Variants in ATP2B4 observed in about 807,000 individuals in gnomAD.
ATP2B4 encodes plasma membrane calcium-transporting ATPase 4.
In ATP2B4, 39 loss-of-function variants were observed where a neutral mutation model predicts 110.3. The ratio of observed to expected loss-of-function variants is 0.35; its 90% CI spans 0.27 to 0.46. ATP2B4 has a LOEUF of 0.46. ATP2B4 is among the 20% of genes least tolerant of loss of function. ATP2B4 has a pLI of 1.00. For synonymous variants in ATP2B4, 538 were observed against 571.7 expected (o/e 0.94, Z 0.84); for missense variants, 1,135 against 1,530.9 (o/e 0.74, Z 4.32).
chr1:203,689,086 A>G (rs550934240), intron 2 of ATP2B4, among the ~76,000 whole-genome samples: 1 of 152,118 alleles, frequency 6.6e-6, no homozygotes, highest in Non-Finnish European at 1.5e-5. Context: ...CCAATCCCCA[A>G]AGAACAGAGC....
At chr1:203,643,337 A>ACCAGTCTTGAT (rs1663689208) in intron 1 of ATP2B4, among the ~76,000 whole-genome samples, 3 of 152,218 alleles carry the variant, frequency 2.0e-5, no homozygotes, top group Non-Finnish European at 4.4e-5. Context: ...GGAGGGAGTC[A>ACCAGTCTTGAT]GACTGGGTGA....
chr1:203,732,131 C>T (rs896778920), intron 20 of ATP2B4, among the ~76,000 whole-genome samples: 10 of 142,672 alleles, frequency 7.0e-5, no homozygotes, highest in Non-Finnish European at 1.2e-4. Context: ...GAGCCGAGAT[C>T]GCACCTTGCA....
At chr1:203,705,718 C>A (rs1665830588) in intron 8 of ATP2B4, among the ~76,000 whole-genome samples, 1 of 152,186 alleles carries the variant, frequency 6.6e-6, no homozygotes, top group Non-Finnish European at 1.5e-5. Flanking sequence ...TACCTGTCCC[C>A]TGCCTTGTTC....
chr1:203,729,625 T>C (rs1302600217), intron 20 of ATP2B4: 1 of 878,018 alleles, frequency 1.1e-6, no homozygotes, highest in Non-Finnish European at 1.7e-6. Context: ...CAGGTGCTTT[T>C]TCTGTCTGCC....
At position 203,635,134 on chromosome 1, in the gene ATP2B4, C is replaced by T. The variant is rs1039115981; in HGVS notation, c.-465+7915C>T. 3.3e-5 allele frequency among the ~76,000 whole-genome samples: 5 copies of T among 152,006 alleles called. No individual in the cohort carries two copies. In the East Asian group the frequency reaches 9.7e-4, roughly 29 times the overall value. On this transcript the variant is annotated intron_variant, in intron 1 of 20. Transcript: ENST00000357681. ...GGATTACAGGCATGTACCACTACAC[C>T]CGGCTAATTTTGTATTTTTAGTAGA...
chr1:203,682,365 G>C (rs2102360713), intron 1 of ATP2B4, among the ~76,000 whole-genome samples: 1 of 152,248 alleles, frequency 6.6e-6, no homozygotes, highest in African/African-American at 2.4e-5. Flanking sequence ...GATAAGGTCA[G>C]ACTAAAGGAT....
Position 203,740,068 on chromosome 1 carries a change from G to C in ATP2B4, c.*214G>C. 1 of 572,026 alleles carries C rather than the reference G, an allele frequency of 1.7e-6. No homozygotes were observed. 35.4% of individuals were successfully genotyped at this position (572,026 alleles called of 1,614,324 possible). ...GACTTGGGGTTTGTAGCGGGACCCA[G>C]TCAAACCCCATTCAGGTCATGGTAG... On this transcript the variant is annotated 3_prime_UTR_variant, in exon 21 of 21. Transcript: ENST00000357681.
At chr1:203,665,119 C>T (rs983331561) in intron 1 of ATP2B4, among the ~76,000 whole-genome samples, 2 of 152,162 alleles carry the variant, frequency 1.3e-5, no homozygotes, top group African/African-American at 2.4e-5. Context: ...GCACCCGGCC[C>T]TTAAGGTACT....
chr1:203,660,847 A>G (rs1008355852), intron 1 of ATP2B4, among the ~76,000 whole-genome samples: 2 of 151,932 alleles, frequency 1.3e-5, no homozygotes, highest in Admixed American at 1.3e-4. Context: ...ACGGTGGCTC[A>G]TGCCTGTAGT....
At chr1:203,733,114 C>G in intron 20 of ATP2B4, 2 of 1,051,670 alleles carry the variant, frequency 1.9e-6, no homozygotes, top group East Asian at 5.1e-5. Flanking sequence ...CTTTTCCCAT[C>G]TACTTCCATT....
Position 203,699,614 on chromosome 1 carries a change from C to T in ATP2B4, c.546C>T (p.Cys182=). The T allele has an allele frequency of 6.2e-7, 1 of 1,614,188 alleles. No homozygotes were observed. Among genetic ancestry groups the T allele is most frequent in the Non-Finnish European group, 8.5e-7 (1 of 1,180,038 alleles). The change falls in exon 4 of 21, where the codon TGC becomes TGT. Residue 182 remains cysteine, a synonymous_variant. Transcript: ENST00000357681. ...SKEKQFRGLQ[C]RIEQEQKFSI... ...AGAAGCAATTCCGGGGGCTGCAGTG[C>T]CGCATTGAACAGGAGCAAAAGTTCT...
At chr1:203,697,673 T>A (rs1665573027) in intron 2 of ATP2B4, among the ~76,000 whole-genome samples, 1 of 152,206 alleles carries the variant, frequency 6.6e-6, no homozygotes, top group African/African-American at 2.4e-5. Flanking sequence ...ATCTCATACT[T>A]GAGCAAATCA....
chr1:203,693,820 G>C (rs1665454510), intron 2 of ATP2B4, among the ~76,000 whole-genome samples: 1 of 152,182 alleles, frequency 6.6e-6, no homozygotes, highest in Non-Finnish European at 1.5e-5. Flanking sequence ...GGTTTGCCCG[G>C]GACTGAGCGG....
Position 203,711,030 on chromosome 1 carries a change from T to C in ATP2B4, c.1953T>C (p.Ser651=). The part of the protein sequence containing the change: ...AYRDFDDTEP[S]WDNENEILTE... ...GGGACTTCGATGACACAGAGCCCTC[T>C]TGGGACAATGAGAATGAGATCCTCA... The change falls in exon 12 of 21, where the codon TCT becomes TCC. Residue 651 remains serine, a synonymous_variant. Transcript: ENST00000357681. The C allele has an allele frequency of 6.2e-7, 1 of 1,614,112 alleles. No individual in the cohort carries two copies. Among genetic ancestry groups the C allele is most frequent in the Non-Finnish European group, 8.5e-7 (1 of 1,180,004 alleles).
intron 1 of ATP2B4, among the ~76,000 whole-genome samples, chr1:203,676,979 G>A (rs1176460331): frequency 1.3e-5 from 2 of 152,162 alleles, no homozygotes; most frequent in Non-Finnish European, 2.9e-5. Context: ...GGGTTTATGT[G>A]AGCCTTCTCA....
chr1:203,639,982 T>A (rs1427505764), intron 1 of ATP2B4, among the ~76,000 whole-genome samples: 2 of 152,248 alleles, frequency 1.3e-5, no homozygotes, highest in Non-Finnish European at 2.9e-5. Flanking sequence ...TTAGCTTCAG[T>A]TGGTACATGC....
chr1:203,674,414 A>G (rs1485646370), intron 1 of ATP2B4, among the ~76,000 whole-genome samples: 2 of 152,124 alleles, frequency 1.3e-5, no homozygotes, highest in African/African-American at 2.4e-5. Flanking sequence ...AGTGTGACTC[A>G]CACAATTTGA....
chr1:203,734,350 T>C (rs1666822007), intron 20 of ATP2B4, among the ~76,000 whole-genome samples: 1 of 151,924 alleles, frequency 6.6e-6, no homozygotes, highest in South Asian at 2.1e-4. Context: ...AGAAAGTAGT[T>C]CAGTTCAAAT....
At chr1:203,675,272 G>A (rs1217821794) in intron 1 of ATP2B4, among the ~76,000 whole-genome samples, 2 of 152,204 alleles carry the variant, frequency 1.3e-5, no homozygotes, top group African/African-American at 2.4e-5. Context: ...TGTCATCTAT[G>A]GGTCCTACCT....
Sources: gnomAD v4.1 joint callset for allele counts (sites outside exome capture counted in the v4.1 genomes callset) on GRCh38, gnomAD v4.1.1 for gene constraint, MANE v1.5 for transcripts, NCBI Gene and HGNC (gene_info 2026-07-23, HGNC 2026-07-21) for gene names.